Variants in FOXM1 observed in about 807,000 individuals in gnomAD.
FOXM1 encodes the protein forkhead box protein M1.
A neutral mutation model predicts 63.6 loss-of-function variants in FOXM1; 25 were observed. The observed-to-expected ratio is 0.39, with a 90% CI of 0.29 to 0.55. The LOEUF is 0.55. FOXM1 is among the 20% of genes least tolerant of loss of function. The probability of loss-of-function intolerance (pLI) is 0.60; values close to 1 mark genes in which losing one functional copy is unlikely to be tolerated. For missense variants in FOXM1, 879 were observed against 958.7 expected, an observed-to-expected ratio of 0.92 and a Z score of 1.10; for synonymous variants, 387 against 376.9, an observed-to-expected ratio of 1.03 and a Z score of -0.31.
At chr12:2,865,265 A>T in intron 6 of FOXM1, 90 bp downstream of exon 6, 1 of 1,211,388 alleles carries the variant, frequency 8.3e-7, no homozygotes, top group Non-Finnish European at 1.2e-6. Context: ...ACCCTTCCCC[A>T]CATCACATCT....
In FOXM1 at chr12:2,859,645, C is replaced by G. The variant is rs777346057; in HGVS notation, c.1285G>C (p.Gly429Arg). ...IAPKVLLAEE[G>R]IAPLSSAGPG... ...CCTGCAGAAGAAAGAGGAGCTATCC[C>G]CTCCTCAGCTAGCAGCACCTGAAAG... The change falls in exon 9 of 9, where the codon GGG becomes CGG. Residue 429 changes from glycine (G) to arginine (R), a missense_variant. By Grantham distance (125) the Gly-to-Arg change is moderately radical. Around this residue, in one of 4 missense-constraint regions of FOXM1, gnomAD observed 486 missense variants for 453.5 expected, o/e 1.07. Coordinates refer to ENST00000359843, the MANE Select transcript of FOXM1 (RefSeq NM_021953.4). 6.2e-7 allele frequency: 1 copy of G among 1,608,628 alleles called. No individual in the cohort carries two copies. Among genetic ancestry groups the G allele is most frequent in the Non-Finnish European group, 8.5e-7 (1 of 1,178,380 alleles).
chr12:2,865,387 C>T lies in FOXM1; in HGVS notation c.988G>A (p.Gly330Arg). 1 of 1,610,538 alleles carries T rather than the reference C, an allele frequency of 6.2e-7. No homozygotes were observed. Among genetic ancestry groups the T allele is most frequent in the Non-Finnish European group, 8.5e-7 (1 of 1,177,976 alleles). ...LDQVFKPLDP[G>R]SPQLPEHLES... is the part of the protein sequence containing the mutation. ...AAGTGCTCGGGCAATTGTGGAGACC[C>T]TGGGTCCAGTGGCTGGTGGCGGCCA... The change falls in exon 6 of 9, where the codon GGG becomes AGG. Residue 330 changes from glycine to arginine, a missense_variant. This residue lies in a region of FOXM1 where 76 missense variants were observed against 94.5 expected (regional missense o/e 0.80). Coordinates refer to ENST00000359843, the MANE Select transcript of FOXM1 (RefSeq NM_021953.4).
In FOXM1 at chr12:2,874,556, G is replaced by T; in HGVS notation, c.-47-31C>A. ...AAATGCAAATAGTGGCAAGATGTTA[G>T]AGATTGTTTAGGCTGAGAAGAGGTC... On this transcript the variant is annotated intron_variant, in intron 1 of 8. Transcript: ENST00000359843. This position sits in a 1 kb window ranked among gnomAD's most constrained non-coding sequence, Gnocchi z 4.3. 6.9e-7 allele frequency: 1 copy of T among 1,454,498 alleles called. No homozygotes were observed. Among genetic ancestry groups the T allele is most frequent in the South Asian group, 1.3e-5 (1 of 74,494 alleles). 90.1% of individuals were successfully genotyped at this position (1,454,498 alleles called of 1,614,324 possible). A position where few individuals can be genotyped will look rare whatever the true frequency, so the allele number is the denominator to read the frequency against.
rs975566423 is a variant in FOXM1, at chr12:2,864,550, A to G, written c.1091-55T>C. 2.5e-6 allele frequency: 4 copies of G among 1,584,964 alleles called. No individual in the cohort carries two copies. Among genetic ancestry groups the G allele is most frequent in the Middle Eastern group, 3.4e-4 (2 of 5,928 alleles). On this transcript the variant is annotated intron_variant, in intron 7 of 8. Transcript: ENST00000359843. The surrounding 1 kb of genome is among the most constrained non-coding windows in gnomAD (Gnocchi z 5.1). ...GGGGGACTGGAGTACACCCCTTCTC[A>G]GCCCCAGGAGCTTTGCTCTCCTTCT...
chr12:2,868,015 T>C (rs1229746669), intron 4 of FOXM1, among the ~76,000 whole-genome samples: 1 of 149,874 alleles, frequency 6.7e-6, no homozygotes, highest in Non-Finnish European at 1.5e-5. Context: ...AGTTCTACCA[T>C]GAGGAAAACA....
At position 2,858,226 on chromosome 12, in the gene FOXM1, C is replaced by G. The variant is rs1257843905; in HGVS notation, c.*412G>C. ...CCAGGTCATCCTACCCACCTTCTGGCAGTCTCTGGATAATGATCTAAGGAA... is the reference window on the plus strand; with the variant it reads ...CCAGGTCATCCTACCCACCTTCTGGGAGTCTCTGGATAATGATCTAAGGAA... On this transcript the variant is annotated 3_prime_UTR_variant, in exon 9 of 9. Coordinates refer to ENST00000359843, the MANE Select transcript of FOXM1 (RefSeq NM_021953.4). 6.2e-6 allele frequency: 1 copy of G among 161,010 alleles called. No individual in the cohort carries two copies. Among genetic ancestry groups the G allele is most frequent in the African/African-American group, 2.4e-5 (1 of 41,582 alleles). 10.0% of individuals were successfully genotyped at this position (161,010 alleles called of 1,614,324 possible). A position where few individuals can be genotyped will look rare whatever the true frequency, so the allele number is the denominator to read the frequency against.
At position 2,874,574 on chromosome 12, in the gene FOXM1, A is replaced by G; in HGVS notation, c.-47-49T>C. 1 of 1,320,946 alleles carries G rather than the reference A, an allele frequency of 7.6e-7. No homozygotes were observed. Among genetic ancestry groups the G allele is most frequent in the South Asian group, 1.4e-5 (1 of 70,204 alleles). 81.8% of individuals were successfully genotyped at this position (1,320,946 alleles called of 1,614,324 possible). A position where few individuals can be genotyped will look rare whatever the true frequency, so the allele number is the denominator to read the frequency against. ...GATGTTAGAGATTGTTTAGGCTGAGAAGAGGTCCTTTTAGAGAAAGGTGCT... is the reference window on the plus strand; with the variant it reads ...GATGTTAGAGATTGTTTAGGCTGAGGAGAGGTCCTTTTAGAGAAAGGTGCT... On this transcript the variant is annotated intron_variant, in intron 1 of 8. Coordinates refer to ENST00000359843, the MANE Select transcript of FOXM1 (RefSeq NM_021953.4). The surrounding 1 kb of genome is among the most constrained non-coding windows in gnomAD (Gnocchi z 4.3).
At chr12:2,873,256 A>C (rs2098136223) in intron 2 of FOXM1, among the ~76,000 whole-genome samples, 1 of 151,762 alleles carries the variant, frequency 6.6e-6, no homozygotes, top group Admixed American at 6.6e-5. Flanking sequence ...AAAATTAGCC[A>C]GGTGTGGTGG....
rs1412288812 is a variant in FOXM1 at position 2,864,646 on chromosome 12, C to A, written c.1090+37G>T. 6.2e-7 allele frequency: 1 copy of A among 1,609,924 alleles called. No individual in the cohort carries two copies. The highest frequency in any genetic ancestry group is 1.3e-5 in the African/African-American group (1 of 74,858). ...GTTCCCTAAAGATATGGCCCCAGAA[C>A]AAGGACCAGGCCCAAGGCCCACTCT... On this transcript the variant is annotated intron_variant, in intron 7 of 8. Transcript: ENST00000359843. The surrounding 1 kb of genome is among the most constrained non-coding windows in gnomAD (Gnocchi z 5.1).
At chr12:2,873,606 GTC>G (rs1350611706) in intron 2 of FOXM1, among the ~76,000 whole-genome samples, 1 of 149,652 alleles carries the variant, frequency 6.7e-6, no homozygotes, top group Non-Finnish European at 1.5e-5. Flanking sequence ...TTGAGACAGA[GTC>G]TCCCTCTGTG....
In FOXM1 at chr12:2,859,080, A is replaced by G. The variant is rs1419618839; in HGVS notation, c.1850T>C (p.Leu617Pro). The G allele has an allele frequency of 6.2e-7, 1 of 1,607,022 alleles. No individual in the cohort carries two copies. The highest frequency in any genetic ancestry group is 8.5e-7 in the Non-Finnish European group (1 of 1,176,994). ...CCTCCAGGATTCAGGGGTTCTGGGG[A>G]GGACAGATTTGCTCGGGGTGGAGGA... ...PISSTPSKSV[L>P]PRTPESWRLT... is the part of the protein sequence containing the mutation. The change falls in exon 9 of 9, where the codon CTC becomes CCC. Residue 617 changes from leucine to proline, a missense_variant. Transcript: ENST00000359843.
rs764722608 is a variant in FOXM1 at position 2,864,314 on chromosome 12, A to G, written c.1266+6T>C. 3.1e-6 allele frequency: 5 copies of G among 1,604,828 alleles called. No homozygotes were observed. In the South Asian group the frequency reaches 4.4e-5, roughly 14 times the overall value. ...ATCTCTCTTCAGAGGAAAATAGGACACCCACCTTGGGGGCAATGCGGACTC... is the reference window on the plus strand; with the variant it reads ...ATCTCTCTTCAGAGGAAAATAGGACGCCCACCTTGGGGGCAATGCGGACTC... On this transcript the variant is annotated splice_donor_region_variant and intron_variant, in intron 8 of 8. Transcript: ENST00000359843. The surrounding 1 kb of genome is among the most constrained non-coding windows in gnomAD (Gnocchi z 5.1).
rs2034798093 is a variant in FOXM1, at chr12:2,859,189, A to C, written c.1741T>G (p.Ser581Ala). Reference protein sequence around the residue: ...WAAELPFPADSSDPASQLSYS... With the variant: ...WAAELPFPADASDPASQLSYS... ...CTGAGCTGGGAGGCAGGGTCAGAGG[A>C]GTCTGCTGGGAACGGGAGCTCTGCG... Residue 581 changes from serine (S) to alanine (A), a missense_variant, in exon 9 of 9, where the codon TCC (serine) becomes GCC (alanine). By Grantham distance (99) the Ser-to-Ala change is moderately conservative (BLOSUM62 1). Around this residue, in one of 4 missense-constraint regions of FOXM1, gnomAD observed 486 missense variants for 453.5 expected, o/e 1.07. Coordinates refer to ENST00000359843, the MANE Select transcript of FOXM1 (RefSeq NM_021953.4). 14 of 1,610,442 alleles carry C rather than the reference A, an allele frequency of 8.7e-6. No homozygotes were observed. The East Asian group carries it at 2.9e-4, about 33-fold the overall frequency.
In FOXM1 at chr12:2,872,116, G is replaced by A; in HGVS notation, c.634C>T (p.Leu212=). Residue 212 remains leucine (L), a synonymous_variant, in exon 3 of 9, where the codon CTG becomes TTG. Coordinates refer to ENST00000359843, the MANE Select transcript of FOXM1 (RefSeq NM_021953.4). The surrounding 1 kb of genome is among the most constrained non-coding windows in gnomAD (Gnocchi z 4.0). ...TTCACCTTAACCTGTCGCTGCTCCA[G>A]GTGACAATTCTCCTTTTCCTCCATC... ...QEMEEKENCH[L]EQRQVKVEEP... 8 of 1,614,180 alleles carry A rather than the reference G, an allele frequency of 5.0e-6. No individual in the cohort carries two copies. Among genetic ancestry groups the A allele is most frequent in the Non-Finnish European group, 6.8e-6 (8 of 1,180,036 alleles).
Position 2,859,301 on chromosome 12 carries a change from C to G in FOXM1, c.1629G>C (p.Arg543=). ...IQHRERRERS[R]SRRKQHLLPP... The stretch of plus-strand genomic sequence containing the variant: ...GCAGTAGATGCTGTTTTCTCCGAGA[C>G]CGGCTCCTCTCCCTCCTCTCCCTGT... Residue 543 remains arginine (R), a synonymous_variant, in exon 9 of 9, where the codon CGG becomes CGC. Transcript: ENST00000359843. The G allele has an allele frequency of 6.2e-7, 1 of 1,613,444 alleles. No individual in the cohort carries two copies. Among genetic ancestry groups the G allele is most frequent in the Non-Finnish European group, 8.5e-7 (1 of 1,179,954 alleles).
Position 2,868,673 on chromosome 12 carries a change from G to T in FOXM1, c.736C>A (p.Gln246Lys). 1 of 1,613,916 alleles carries T rather than the reference G, an allele frequency of 6.2e-7. No individual in the cohort carries two copies. The highest frequency in any genetic ancestry group is 2.2e-5 in the East Asian group (1 of 44,866). Residue 246 changes from glutamine (Q) to lysine (K), a missense_variant, in exon 4 of 9, where the codon CAA (glutamine) becomes AAA (lysine). Physicochemically the swap from Gln to Lys is moderately conservative, Grantham distance 53. Transcript: ENST00000359843. The part of the protein sequence containing the change: ...RPPYSYMAMI[Q>K]FAINSTERKR... The stretch of plus-strand genomic sequence containing the variant: ...CTCTCAGTGCTGTTGATGGCGAATT[G>T]TATCATGGCCATGTAAGAGTAGGGT...
Position 2,867,531 on chromosome 12 carries a change from G to A in FOXM1, c.847-1010C>T, listed in dbSNP as rs556337801. ...CCATGAATTAGCCAGGCGTAGTGGC[G>A]GGCGCCTGTAGTCCCAGCTACTCGG... is the stretch of plus-strand genomic sequence containing the variant. On this transcript the variant is annotated intron_variant, in intron 4 of 8. Coordinates refer to ENST00000359843, the MANE Select transcript of FOXM1 (RefSeq NM_021953.4). 3.0e-3 allele frequency among the ~76,000 whole-genome samples: 463 copies of A among 151,832 alleles called. 11 individuals are homozygous for A. Among genetic ancestry groups the A allele is most frequent in the Non-Finnish European group, 4.7e-4 (32 of 67,898 alleles).
chr12:2,863,272 C>A (rs2153934226), intron 8 of FOXM1, among the ~76,000 whole-genome samples: 1 of 152,344 alleles, frequency 6.6e-6, no homozygotes, highest in Non-Finnish European at 1.5e-5. Context: ...ACTTGAGAAA[C>A]CCTGAGTTAG....
In FOXM1 at chr12:2,868,570, C is replaced by G. The variant is rs1388111310; in HGVS notation, c.839G>C (p.Gly280Ala). 1 of 1,608,674 alleles carries G rather than the reference C, an allele frequency of 6.2e-7. No individual in the cohort carries two copies. The highest frequency in any genetic ancestry group is 8.5e-7 in the Non-Finnish European group (1 of 1,176,966). The change falls in exon 4 of 9, where the codon GGC becomes GCC. Residue 280 changes from glycine (G) to alanine (A), a missense_variant. Transcript: ENST00000359843. ...TGCTGTGGGACACATTACCTTCCAGCCTGGCTTGGCAATGTGCTTAAAGTA... is the reference window on the plus strand; with the variant it reads ...TGCTGTGGGACACATTACCTTCCAGGCTGGCTTGGCAATGTGCTTAAAGTA... ...FPYFKHIAKP[G>A]WKNSIRHNLS...
Sources: gnomAD v4.1 joint callset for allele counts (sites outside exome capture counted in the v4.1 genomes callset) on GRCh38, gnomAD v4.1.1 for gene constraint, gnomAD v4.1.1 regional missense constraint, Gnocchi (gnomAD v3.1) non-coding constraint, MANE v1.5 for transcripts, NCBI Gene and HGNC (gene_info 2026-07-23, HGNC 2026-07-21) for gene names.